The following ZC3HAV1 variants were observed in gnomAD, a reference collection of about 807,000 sequenced individuals.
The protein encoded by ZC3HAV1 is zinc finger CCCH-type containing, antiviral 1.
Under a neutral mutation model 86.6 loss-of-function variants are expected in ZC3HAV1, and 41 were observed. That is an observed-to-expected ratio of 0.47 (90% CI 0.37 to 0.61). The LOEUF (loss-of-function observed/expected upper bound fraction) is 0.61. ZC3HAV1 is among the 20% of genes least tolerant of loss of function. ZC3HAV1 has a pLI of 0.00. For synonymous variants in ZC3HAV1, 421 were observed against 432.1 expected (o/e 0.97, Z 0.32); for missense variants, 964 against 1,141.1 (o/e 0.84, Z 2.24).
In ZC3HAV1 at chr7:139,059,434, C is replaced by T. The variant is rs79597412; in HGVS notation, c.2096+1602G>A. Among the ~76,000 whole-genome samples the T allele has an allele frequency of 4.5e-3, 689 of 152,046 alleles. 12 individuals are homozygous for T. Among genetic ancestry groups the T allele is most frequent in the Admixed American group, 0.034 (518 of 15,272 alleles). ...GAGTTCGAGACCAGCCTGGCCCTCA[C>T]GGTGAAACCCTGTCTCTATTAAAAA... On this transcript the variant is annotated intron_variant, in intron 9 of 12. Transcript: ENST00000242351.
At chr7:139,063,825 GC>G (rs1388325740) in intron 8 of ZC3HAV1, among the ~76,000 whole-genome samples, 1 of 151,232 alleles carries the variant, frequency 6.6e-6, no homozygotes, top group East Asian at 1.9e-4. Context: ...TTTAACAAGT[GC>G]CAGATACGCC....
intron 5 of ZC3HAV1, 127 bp from the exon 6 acceptor site, chr7:139,076,536 C>T: frequency 1.6e-6 from 2 of 1,217,466 alleles, no homozygotes; most frequent in Non-Finnish European, 2.3e-6. Flanking sequence ...CCATCTATAC[C>T]AGCTGACACT....
At chr7:139,064,363 A>G (rs899841308) in intron 8 of ZC3HAV1, among the ~76,000 whole-genome samples, 2 of 152,256 alleles carry the variant, frequency 1.3e-5, no homozygotes, top group Non-Finnish European at 2.9e-5. Context: ...GCAGCTCACC[A>G]GAAGACCTTT....
In ZC3HAV1 at chr7:139,109,577, AACT is replaced by A. The variant is rs1818048661; in HGVS notation, c.-249_-247del. The A allele has an allele frequency of 2.0e-5, 9 of 452,702 alleles. No homozygotes were observed. The highest frequency in any genetic ancestry group is 3.5e-5 in the Non-Finnish European group (9 of 259,732). The allele number at this position is 452,702 out of a possible 1,614,324, so 28.0% of individuals were successfully genotyped here. A position where few individuals can be genotyped will look rare whatever the true frequency, so the allele number is the denominator to read the frequency against. On this transcript the variant is annotated 5_prime_UTR_variant, in exon 1 of 13. Transcript: ENST00000242351. ...CAGGTTTACAGCCGGCCGCAAGGGC[AACT>A]GGGTGGAAAGAAAGAGAACGCGCGG...
chr7:139,102,168 C>G (rs1372875364), intron 1 of ZC3HAV1, among the ~76,000 whole-genome samples: 1 of 152,158 alleles, frequency 6.6e-6, no homozygotes, highest in African/African-American at 2.4e-5. Context: ...GGGTCTCATT[C>G]TATTGCCCAG....
At chr7:139,104,721 CAAAA>C (rs1157897700) in intron 1 of ZC3HAV1, among the ~76,000 whole-genome samples, 22 of 19,254 alleles carry the variant, frequency 1.1e-3, no homozygotes, top group South Asian at 3.2e-3. Flanking sequence ...GACTCTGTCA[CAAAA>C]AAAAAAAAAA....
chr7:139,101,602 C>G (rs759597972), intron 1 of ZC3HAV1, among the ~76,000 whole-genome samples: 1 of 146,818 alleles, frequency 6.8e-6, no homozygotes, highest in Non-Finnish European at 1.5e-5. Context: ...ATAGAGAAAT[C>G]GGATTGTTAC....
At chr7:139,101,552 C>A (rs546008938) in intron 1 of ZC3HAV1, among the ~76,000 whole-genome samples, 2 of 127,202 alleles carry the variant, frequency 1.6e-5, no homozygotes, top group Admixed American at 8.8e-5. Flanking sequence ...ATGACGATGG[C>A]GGTTTTGTGG....
chr7:139,073,875 C>A lies in ZC3HAV1; in HGVS notation c.1853G>T (p.Trp618Leu). 6.2e-7 allele frequency: 1 copy of A among 1,612,740 alleles called. No homozygotes were observed. The highest frequency in any genetic ancestry group is 1.1e-5 in the South Asian group (1 of 90,990). The change falls in exon 7 of 13, where the codon TGG becomes TTG. Residue 618 changes from tryptophan (W) to leucine (L), a missense_variant. By Grantham distance (61) the Trp-to-Leu change is moderately conservative (BLOSUM62 -2). Transcript: ENST00000242351. ...IWYWKNESGT[W>L]IQYGEEKDKR... Reference sequence around the variant, plus strand: ...GCTCACCTCTTCTCCATACTGAATCCATGTGCCAGATTCATTCTTCCAATA... The same window carrying A: ...GCTCACCTCTTCTCCATACTGAATCAATGTGCCAGATTCATTCTTCCAATA...
chr7:139,090,608 T>C (rs1817401908), intron 1 of ZC3HAV1, among the ~76,000 whole-genome samples: 2 of 151,944 alleles, frequency 1.3e-5, no homozygotes, highest in Admixed American at 6.5e-5. Context: ...TTAATAGTTC[T>C]CCTTCATTTC....
intron 1 of ZC3HAV1, among the ~76,000 whole-genome samples, chr7:139,102,960 A>G (rs1246483741): frequency 2.2e-5 from 3 of 138,294 alleles, no homozygotes; most frequent in Admixed American, 7.3e-5. Flanking sequence ...GTATATGTAT[A>G]TGTATATGTA....
Position 139,109,057 on chromosome 7 carries a change from A to C in ZC3HAV1, c.275T>G (p.Leu92Trp). The C allele has an allele frequency of 1.3e-6, 2 of 1,584,670 alleles. No homozygotes were observed. The highest frequency in any genetic ancestry group is 1.7e-6 in the Non-Finnish European group (2 of 1,162,664). ...CTGCGAATAGTTGCACCGGCCCAGC[A>C]AGTTGAGTTTGCAGAGATGCAGGTT... ...CDNLHLCKLN[L>W]LGRCNYSQSE... Residue 92 changes from leucine (L) to tryptophan (W), a missense_variant, in exon 1 of 13, where the codon TTG (leucine) becomes TGG (tryptophan). Leu to Trp is a moderately conservative substitution (Grantham distance 61). Transcript: ENST00000242351.
intron 9 of ZC3HAV1, among the ~76,000 whole-genome samples, chr7:139,057,332 T>C (rs977868844): frequency 4.0e-5 from 6 of 150,902 alleles, no homozygotes; most frequent in African/African-American, 1.5e-4. Context: ...CACTCTAACC[T>C]GCATGCAGAG....
chr7:139,102,689 C>T (rs1319390228), intron 1 of ZC3HAV1, among the ~76,000 whole-genome samples: 1 of 151,302 alleles, frequency 6.6e-6, no homozygotes, highest in Non-Finnish European at 1.5e-5. Context: ...CCCAGGCACT[C>T]GAGACCAGCC....
chr7:139,102,226 C>A (rs1817795230), intron 1 of ZC3HAV1, among the ~76,000 whole-genome samples: 1 of 152,184 alleles, frequency 6.6e-6, no homozygotes, highest in South Asian at 2.1e-4. Context: ...CTTGTCCTCC[C>A]AGGCTCAAGT....
chr7:139,108,543 C>T lies in ZC3HAV1; in HGVS notation c.308+481G>A, dbSNP rs1431709646. Among the ~76,000 whole-genome samples, 2 of 152,178 alleles carry T rather than the reference C, an allele frequency of 1.3e-5. No individual in the cohort carries two copies. Among genetic ancestry groups the T allele is most frequent in the Non-Finnish European group, 2.9e-5 (2 of 68,032 alleles). On this transcript the variant is annotated intron_variant, in intron 1 of 12. Coordinates refer to ENST00000242351, the MANE Select transcript of ZC3HAV1 (RefSeq NM_020119.4). This position sits in a 1 kb window ranked among gnomAD's most constrained non-coding sequence, Gnocchi z 4.2. ...GGGACAAGCAGAGAGACCTGCGGCT[C>T]GCTCCGGCGGAGACGGACCGGGGGC...
At chr7:139,073,191 C>T (rs1218053423) in intron 7 of ZC3HAV1, among the ~76,000 whole-genome samples, 1 of 151,834 alleles carries the variant, frequency 6.6e-6, no homozygotes, top group Non-Finnish European at 1.5e-5. Context: ...CCCAGCTACT[C>T]GGGAGGCTGA....
chr7:139,070,819 A>G (rs1193994243), intron 7 of ZC3HAV1, among the ~76,000 whole-genome samples: 1 of 151,992 alleles, frequency 6.6e-6, no homozygotes, highest in Non-Finnish European at 1.5e-5. Context: ...CGTCTCAACT[A>G]AAAATACAAA....
chr7:139,089,924 A>T (rs145668475), intron 1 of ZC3HAV1, among the ~76,000 whole-genome samples, 165 bp from the exon 2 acceptor site: 1 of 151,834 alleles, frequency 6.6e-6, no homozygotes, highest in African/African-American at 2.4e-5. Context: ...TATTTTTTTT[A>T]CTTTTTTTTT....
Sources: allele counts gnomAD v4.1 joint callset (sites outside exome capture counted in the v4.1 genomes callset), GRCh38; gene constraint gnomAD v4.1.1; non-coding constraint Gnocchi (gnomAD v3.1); transcripts MANE v1.5; gene names NCBI Gene and HGNC (gene_info 2026-07-23, HGNC 2026-07-21).